Variants in URGCP observed in about 807,000 individuals in gnomAD.
URGCP encodes the protein upregulator of cell proliferation.
A neutral mutation model predicts 24.6 loss-of-function variants in URGCP; 13 were observed. The observed-to-expected ratio is 0.53, with a 90% CI of 0.34 to 0.84. The LOEUF (loss-of-function observed/expected upper bound fraction) is 0.84. Among genes scored for constraint, URGCP ranks in the 40% least tolerant of loss-of-function variants. URGCP has a pLI of 0.01. For synonymous variants in URGCP, 444 were observed against 487.2 expected (o/e 0.91, Z 1.17); for missense variants, 899 against 1,194.3 (o/e 0.75, Z 3.64).
At chr7:43,881,120 T>C in intron 5 of URGCP, 1 of 695,202 alleles carries the variant, frequency 1.4e-6, no homozygotes, top group East Asian at 2.7e-5. Flanking sequence ...TGAATGAAAC[T>C]AGGAACATTG....
chr7:43,900,122 G>T (rs367787454), intron 1 of URGCP, among the ~76,000 whole-genome samples: 9 of 151,768 alleles, frequency 5.9e-5, no homozygotes, highest in African/African-American at 2.2e-4. Flanking sequence ...TCCAGCCTGG[G>T]AGACTCAGCA....
rs773177536 is a variant in URGCP, at chr7:43,877,965, G to T, written c.1498C>A (p.Pro500Thr). 2 of 1,614,178 alleles carry T rather than the reference G, an allele frequency of 1.2e-6. No individual in the cohort carries two copies. The highest frequency in any genetic ancestry group is 1.7e-6 in the Non-Finnish European group (2 of 1,180,038). Residue 500 changes from proline (P) to threonine (T), a missense_variant, in exon 6 of 6, where the codon CCC becomes ACC. Coordinates refer to ENST00000453200, the MANE Select transcript of URGCP (RefSeq NM_001077663.3). ...TCCACTTGGGCTGCCTTTCTCCAGGGGTCCCCCTGCAGCCTCAGCTCGTCC... is the reference window on the plus strand; with the variant it reads ...TCCACTTGGGCTGCCTTTCTCCAGGTGTCCCCCTGCAGCCTCAGCTCGTCC... ...RRDELRLQGD[P>T]WRKAAQVEKE...
rs776206098 is a variant in URGCP, at chr7:43,878,558, G to C, written c.905C>G (p.Thr302Ser). The change falls in exon 6 of 6, where the codon ACC becomes AGC. Residue 302 changes from threonine (T) to serine (S), a missense_variant. Thr to Ser is a moderately conservative substitution (Grantham distance 58, BLOSUM62 1). Coordinates refer to ENST00000453200, the MANE Select transcript of URGCP (RefSeq NM_001077663.3). The surrounding 1 kb of genome is among the most constrained non-coding windows in gnomAD (Gnocchi z 5.6). ...CFWHRDLNLGTNAREISDGLV... is the reference protein window; with the variant it reads ...CFWHRDLNLGSNAREISDGLV... ...CCCATCCGAAATCTCCCGGGCATTG[G>C]TGCCCAAGTTGAGGTCCCGATGCCA... 1.2e-6 allele frequency: 2 copies of C among 1,614,082 alleles called. No homozygotes were observed. Among genetic ancestry groups the C allele is most frequent in the African/African-American group, 2.7e-5 (2 of 74,934 alleles).
intron 1 of URGCP, among the ~76,000 whole-genome samples, chr7:43,914,116 C>T (rs1318919801): frequency 6.6e-6 from 1 of 152,144 alleles, no homozygotes; most frequent in Non-Finnish European, 1.5e-5. Context: ...GCCTCAGCTC[C>T]CTAAGTAGCT....
At chr7:43,926,506 C>T (rs777548694), upstream of URGCP, 102 of 1,513,582 alleles carry the variant, frequency 6.7e-5, no homozygotes, top group Non-Finnish European at 8.3e-5. Context: ...CCGGCCGGGC[C>T]GCCCGGGTCC....
chr7:43,883,335 TACA>T (rs2095856877), intron 3 of URGCP, among the ~76,000 whole-genome samples: 1 of 124,812 alleles, frequency 8.0e-6, no homozygotes, highest in African/African-American at 3.4e-5. Flanking sequence ...TATATATATA[TACA>T]TATATATATA....
chr7:43,911,558 G>A (rs1254727616), upstream of URGCP, among the ~76,000 whole-genome samples: 1 of 152,144 alleles, frequency 6.6e-6, no homozygotes, highest in African/African-American at 2.4e-5. Flanking sequence ...TTAGCCAGGC[G>A]TGGCGGTGGA....
chr7:43,891,704 C>T (rs2095870969), intron 1 of URGCP, among the ~76,000 whole-genome samples: 1 of 152,188 alleles, frequency 6.6e-6, no homozygotes, highest in African/African-American at 2.4e-5. Flanking sequence ...TCTTGCAACG[C>T]AATTTCATAC....
At chr7:43,885,915 G>C (rs1049417415) in intron 3 of URGCP, among the ~76,000 whole-genome samples, 3 of 152,202 alleles carry the variant, frequency 2.0e-5, no homozygotes, top group Non-Finnish European at 1.5e-5. Flanking sequence ...CTACTGTGTT[G>C]AATAGCATAA....
At chr7:43,906,697 G>T, upstream of URGCP, 1 of 990,328 alleles carries the variant, frequency 1.0e-6, no homozygotes, top group Non-Finnish European at 1.2e-6. Flanking sequence ...CAGGGGTGGA[G>T]GTGGGGTGAG....
upstream of URGCP, among the ~76,000 whole-genome samples, chr7:43,911,613 C>T: frequency 6.6e-6 from 1 of 152,174 alleles, no homozygotes; most frequent in African/African-American, 2.4e-5. Flanking sequence ...AGGAAAATTG[C>T]TTGAACCTGG....
chr7:43,896,316 C>T (rs960731161), intron 1 of URGCP, among the ~76,000 whole-genome samples: 4 of 151,836 alleles, frequency 2.6e-5, no homozygotes, highest in Non-Finnish European at 4.4e-5. Flanking sequence ...ATTAGCTGGG[C>T]GTGGTGGCAC....
upstream of URGCP, among the ~76,000 whole-genome samples, chr7:43,908,669 G>A (rs2095906823): frequency 1.3e-5 from 2 of 152,152 alleles, no homozygotes; most frequent in African/African-American, 2.4e-5. Context: ...TAATCTCTGT[G>A]CCCTGATCCA....
rs2132668974 is a variant in URGCP at position 43,887,822 on chromosome 7, G to A, written c.15-6C>T. ...CCAGTAATTCCACTTCTATCCTAAG[G>A]AAATAATTAAGATTTAGTTACAAAG... On this transcript the variant is annotated splice_polypyrimidine_tract_variant and splice_region_variant and intron_variant, in intron 1 of 5. Transcript: ENST00000453200. 6.6e-7 allele frequency: 1 copy of A among 1,510,750 alleles called. No individual in the cohort carries two copies. 93.6% of individuals were successfully genotyped at this position (1,510,750 alleles called of 1,614,324 possible).
chr7:43,880,730 C>T (rs189392780), intron 5 of URGCP, among the ~76,000 whole-genome samples: 3 of 152,364 alleles, frequency 2.0e-5, no homozygotes, highest in Admixed American at 2.0e-4. Flanking sequence ...CGTGCTGAGT[C>T]ACTTTAAATG....
intron 1 of URGCP, chr7:43,918,567 C>T (rs1310681403): frequency 1.0e-5 from 4 of 387,018 alleles, no homozygotes; most frequent in Admixed American, 3.8e-5. Context: ...AGACATGAGT[C>T]ACCACACCCA....
intron 3 of URGCP, among the ~76,000 whole-genome samples, chr7:43,882,823 G>A (rs550737094): frequency 9.2e-5 from 14 of 152,270 alleles, no homozygotes; most frequent in South Asian, 4.1e-4. Context: ...AATAAAACAT[G>A]AATAACCATA....
In URGCP at chr7:43,877,203, C is replaced by T; in HGVS notation, c.2260G>A (p.Gly754Arg). ...GCDHILVIDS[G>R]GLIGGALTSA... ...GTCAAGGCCCCACCTATCAAGCCCC[C>T]GGAGTCTATCACCAGGATGTGGTCA... The change falls in exon 6 of 6, where the codon GGG becomes AGG. Residue 754 changes from glycine (G) to arginine (R), a missense_variant. Transcript: ENST00000453200. 2 of 1,614,140 alleles carry T rather than the reference C, an allele frequency of 1.2e-6. No individual in the cohort carries two copies. Among genetic ancestry groups the T allele is most frequent in the Non-Finnish European group, 8.5e-7 (1 of 1,180,006 alleles).
chr7:43,907,609 A>G (rs1434389547), upstream of URGCP, among the ~76,000 whole-genome samples: 1 of 152,232 alleles, frequency 6.6e-6, no homozygotes, highest in Non-Finnish European at 1.5e-5. Context: ...CTGAAGCCAG[A>G]ATACCTGTGT....
Sources: allele counts gnomAD v4.1 joint callset (sites outside exome capture counted in the v4.1 genomes callset), GRCh38; gene constraint gnomAD v4.1.1; non-coding constraint Gnocchi (gnomAD v3.1); transcripts MANE v1.5; gene names NCBI Gene and HGNC (gene_info 2026-07-23, HGNC 2026-07-21).